The following ZBED6 variants were observed in gnomAD, a reference collection of about 807,000 sequenced individuals.
The protein encoded by ZBED6 is zinc finger BED-type containing 6, also known as zinc finger BED domain-containing protein 6.
A neutral mutation model predicts 58.4 loss-of-function variants in ZBED6; 40 were observed. That is an observed-to-expected ratio of 0.68 (90% CI 0.53 to 0.89). The LOEUF is 0.89. ZBED6 is among the 40% of genes least tolerant of loss of function. The probability of loss-of-function intolerance (pLI) is 0.00; values close to 1 mark genes in which losing one functional copy is unlikely to be tolerated. For synonymous variants in ZBED6, 439 were observed against 350.6 expected, an observed-to-expected ratio of 1.25 and a Z score of -2.82; for missense variants, 1,057 against 1,003.9, an observed-to-expected ratio of 1.05 and a Z score of -0.71.
chr1:203,849,584 A>C, intron 13 of ZBED6, 127 bp from the exon 14 acceptor site: 1 of 881,208 alleles, frequency 1.1e-6, no homozygotes, highest in Non-Finnish European at 1.8e-6. Flanking sequence ...ACATCAAATA[A>C]AGAGCTTTTC....
chr1:203,816,533 AGGT>A (rs1356143354), intron 1 of ZBED6, among the ~76,000 whole-genome samples: 2 of 152,128 alleles, frequency 1.3e-5, no homozygotes, highest in African/African-American at 4.8e-5. Context: ...GGGGAGGCTG[AGGT>A]GGGAGAATCC....
At chr1:203,830,925 A>ATTTTTTTTTTTTTTTTTTTTTTT (rs774771270) in intron 7 of ZBED6, among the ~76,000 whole-genome samples, 1 of 51,352 alleles carries the variant, frequency 1.9e-5, no homozygotes, top group Non-Finnish European at 3.7e-5. Context: ...CCAACCCCCA[A>ATTTTTTTTTTTTTTTTTTTTTTT]TTTTTTTTTT....
exon 1 of ZBED6, chr1:203,797,542 G>C: frequency 6.6e-7 from 1 of 1,523,662 alleles, no homozygotes; most frequent in Non-Finnish European, 8.7e-7. Flanking sequence ...TGTACTCTAA[G>C]TGTACCAGTT....
intron 1 of ZBED6, chr1:203,805,819 C>T: frequency 1.1e-6 from 1 of 874,126 alleles, no homozygotes; most frequent in Non-Finnish European, 1.9e-6. Flanking sequence ...GCCGCCATAA[C>T]TGCGACTCAG....
intron 3 of ZBED6, 55 bp from the exon 4 acceptor site, chr1:203,828,244 A>C: frequency 6.2e-7 from 1 of 1,605,320 alleles, no homozygotes; most frequent in East Asian, 2.2e-5. Flanking sequence ...AAACTGCCAC[A>C]TGAATATACG....
rs1241276293 is a variant in ZBED6, at chr1:203,800,194, A to G, written c.2672A>G (p.Lys891Arg). Residue 891 changes from lysine (K) to arginine (R), a missense_variant, in exon 1 of 17, where the codon AAG (lysine) becomes AGG (arginine). Coordinates refer to ENST00000550078, the Ensembl canonical transcript of ZBED6. ...GACCCTTTAATTTACTGGCAGAGGA[A>G]GATAAGCATATGGCCGGCTTTGACC... is the stretch of plus-strand genomic sequence containing the variant. 2.0e-6 allele frequency: 3 copies of G among 1,515,818 alleles called. No homozygotes were observed. In the Admixed American group the frequency reaches 5.9e-5, roughly 30 times the overall value. The allele number at this position is 1,515,818 out of a possible 1,614,324, so 93.9% of individuals were successfully genotyped here.
exon 1 of ZBED6, chr1:203,799,388 C>T: frequency 1.4e-6 from 1 of 703,222 alleles, no homozygotes; most frequent in Non-Finnish European, 2.6e-6. Context: ...CGGTCAAGGC[C>T]CGTCAGATAC....
chr1:203,827,118 T>C (rs954415071), intron 3 of ZBED6, among the ~76,000 whole-genome samples: 3 of 152,188 alleles, frequency 2.0e-5, no homozygotes, highest in Non-Finnish European at 4.4e-5. Flanking sequence ...AGTATAGCAA[T>C]GGTTTATTCC....
intron 3 of ZBED6, among the ~76,000 whole-genome samples, chr1:203,820,273 CAT>C (rs1248897158): frequency 2.6e-5 from 4 of 151,364 alleles, no homozygotes; most frequent in African/African-American, 9.7e-5. Flanking sequence ...AAGTGTTGCA[CAT>C]AGTTGTCACG....
intron 9 of ZBED6, among the ~76,000 whole-genome samples, chr1:203,837,589 T>C (rs1286485020): frequency 6.6e-6 from 1 of 151,998 alleles, no homozygotes; most frequent in East Asian, 1.9e-4. Flanking sequence ...ATCCTTCTGC[T>C]TCAGCCTCCT....
At position 203,851,968 on chromosome 1, in the gene ZBED6, C is replaced by CA. The variant is rs57160781; in HGVS notation, c.*4874-146dup. Among the ~76,000 whole-genome samples, 91 of 45,850 alleles carry CA rather than the reference C, an allele frequency of 2.0e-3. 1 individual carries two copies. The highest frequency in any genetic ancestry group is 2.3e-3 in the Non-Finnish European group (67 of 28,556). 30.1% of individuals were successfully genotyped at this position (45,850 alleles called of 152,430 possible). A position where few individuals can be genotyped will look rare whatever the true frequency, so the allele number is the denominator to read the frequency against. On this transcript the variant is annotated intron_variant, in intron 16 of 16. Transcript: ENST00000550078. ...TGGGTGACAAAGGGAGACTCTGCCTCAAAAAAAAAAAAAAAAAAAAAAAAA... is the reference window on the plus strand; with the variant it reads ...TGGGTGACAAAGGGAGACTCTGCCTCAAAAAAAAAAAAAAAAAAAAAAAAAA...
chr1:203,851,172 G>A (rs748497626), intron 16 of ZBED6, 48 bp downstream of exon 16: 5 of 1,555,810 alleles, frequency 3.2e-6, no homozygotes, highest in South Asian at 2.2e-5. Flanking sequence ...CCCTGTTACT[G>A]TTTAGGCTCT....
chr1:203,836,277 C>G (rs1684294390), intron 9 of ZBED6, among the ~76,000 whole-genome samples: 1 of 152,112 alleles, frequency 6.6e-6, no homozygotes, highest in African/African-American at 2.4e-5. Flanking sequence ...ATCAGCATAC[C>G]TGTAAACTTT....
intron 16 of ZBED6, 69 bp from the exon 17 acceptor site, chr1:203,852,072 G>A (rs7512877): frequency 1 from 1,588,870 of 1,594,868 alleles, 791,631 homozygotes; most frequent in Non-Finnish European, 1. Context: ...CTTTGTGTCC[G>A]TGAGACTAGG....
chr1:203,846,724 T>C (rs550093254), intron 11 of ZBED6, among the ~76,000 whole-genome samples: 1 of 152,358 alleles, frequency 6.6e-6, no homozygotes. Flanking sequence ...TTTATCCAAC[T>C]AGTAAATGGC....
At chr1:203,852,083 T>G in intron 16 of ZBED6, 58 bp from the exon 17 acceptor site, 1 of 1,606,048 alleles carries the variant, frequency 6.2e-7, no homozygotes, top group South Asian at 1.1e-5. Flanking sequence ...TGAGACTAGG[T>G]GATTCAGCCA....
intron 9 of ZBED6, among the ~76,000 whole-genome samples, chr1:203,834,866 A>ACTC (rs1683740257): frequency 1.3e-5 from 2 of 151,864 alleles, no homozygotes; most frequent in African/African-American, 4.8e-5. Flanking sequence ...CTGGTCTCGA[A>ACTC]CTCCTGCCCT....
intron 1 of ZBED6, chr1:203,806,110 CCT>C (rs958781184): frequency 1.2e-5 from 6 of 498,920 alleles, no homozygotes; most frequent in African/African-American, 1.2e-4. Flanking sequence ...TGTAGGACCC[CCT>C]CTCATCTTGA....
At chr1:203,798,564 C>A in exon 1 of ZBED6, 1 of 1,536,108 alleles carries the variant, frequency 6.5e-7, no homozygotes, top group Non-Finnish European at 8.7e-7. Flanking sequence ...TGATACCTTG[C>A]ATGGAGAAAA....
Sources: allele counts gnomAD v4.1 joint callset (sites outside exome capture counted in the v4.1 genomes callset), GRCh38; gene constraint gnomAD v4.1.1; transcripts MANE v1.5; gene names NCBI Gene and HGNC (gene_info 2026-07-23, HGNC 2026-07-21).